Variants in PIKFYVE observed in about 807,000 individuals in gnomAD.
PIKFYVE encodes the protein phosphoinositide kinase, FYVE-type zinc finger containing.
A neutral mutation model predicts 257.9 loss-of-function variants in PIKFYVE; 122 were observed. The observed-to-expected ratio is 0.47, with a 90% confidence interval of 0.41 to 0.55. PIKFYVE has a LOEUF of 0.55. PIKFYVE is among the 20% of genes least tolerant of loss of function. The pLI is 0.00. For synonymous variants in PIKFYVE, 892 were observed against 868.9 expected (o/e 1.03, Z -0.47); for missense variants, 2,160 against 2,536.6 (o/e 0.85, Z 3.19).
intron 17 of PIKFYVE, among the ~76,000 whole-genome samples, chr2:208,322,216 C>CA (rs539299732): frequency 1.6e-3 from 241 of 151,154 alleles, no homozygotes; most frequent in African/African-American, 4.5e-3. Flanking sequence ...TCTGTTCCTA[C>CA]AAAAAATAGA....
intron 5 of PIKFYVE, among the ~76,000 whole-genome samples, chr2:208,280,437 A>T (rs750871500): frequency 1.3e-5 from 2 of 152,196 alleles, no homozygotes; most frequent in Non-Finnish European, 2.9e-5. Flanking sequence ...CCCTACTCTG[A>T]CAGGCAGACC....
intron 10 of PIKFYVE, among the ~76,000 whole-genome samples, chr2:208,302,932 A>T (rs767477630): frequency 1.3e-5 from 2 of 152,020 alleles, no homozygotes; most frequent in Non-Finnish European, 2.9e-5. Context: ...ATACAAAAAA[A>T]TTAGCCAGGC....
At chr2:208,316,234 C>T (rs1320429985) in intron 15 of PIKFYVE, among the ~76,000 whole-genome samples, 1 of 152,166 alleles carries the variant, frequency 6.6e-6, no homozygotes, top group Non-Finnish European at 1.5e-5. Context: ...CATAGCATTC[C>T]ATGGTGTGTA....
chr2:208,271,049 A>T (rs1245718551), intron 1 of PIKFYVE, among the ~76,000 whole-genome samples: 1 of 152,098 alleles, frequency 6.6e-6, no homozygotes, highest in Non-Finnish European at 1.5e-5. Flanking sequence ...AAAAAAAAAA[A>T]AAAAGTTGAA....
chr2:208,276,405 C>T (rs1381974073), intron 3 of PIKFYVE, among the ~76,000 whole-genome samples: 1 of 152,134 alleles, frequency 6.6e-6, no homozygotes, highest in East Asian at 1.9e-4. Context: ...CTTAAGGAGT[C>T]ATTAATGAAT....
chr2:208,297,468 T>A (rs1693124680), intron 7 of PIKFYVE, among the ~76,000 whole-genome samples: 2 of 152,210 alleles, frequency 1.3e-5, no homozygotes. Context: ...TCTTAAATTA[T>A]TTAAAAAATA....
Position 208,320,298 on chromosome 2 carries a change from C to A in PIKFYVE, c.2129C>A (p.Ser710Tyr), listed in dbSNP as rs1427341921. ...CCCAAAATTCTTCTGTTGAAGTGTT[C>A]CATTGAGTATCTCTACAGAGAAGAA... ...KNPKILLLKC[S>Y]IEYLYREETK... The change falls in exon 17 of 42, where the codon TCC becomes TAC. Residue 710 changes from serine (S) to tyrosine (Y), a missense_variant. Ser to Tyr is a moderately radical substitution (Grantham distance 144). Transcript: ENST00000264380. 6.2e-7 allele frequency: 1 copy of A among 1,612,002 alleles called. No individual in the cohort carries two copies. Among genetic ancestry groups the A allele is most frequent in the Non-Finnish European group, 8.5e-7 (1 of 1,178,710 alleles).
At position 208,341,607 on chromosome 2, in the gene PIKFYVE, G is replaced by T. The variant is rs550163097; in HGVS notation, c.4932-947G>T. On this transcript the variant is annotated intron_variant, in intron 31 of 41. Coordinates refer to ENST00000264380, the MANE Select transcript of PIKFYVE (RefSeq NM_015040.4). ...GAGATGAGGGTGCCAGCATGGTTGG[G>T]TTCTGGCAAGGGTCCTCTTTTGGGT... Among the ~76,000 whole-genome samples, 3 of 152,096 alleles carry T rather than the reference G, an allele frequency of 2.0e-5. No individual in the cohort carries two copies. The South Asian group carries it at 6.2e-4, about 32-fold the overall frequency.
intron 3 of PIKFYVE, among the ~76,000 whole-genome samples, chr2:208,276,031 A>T (rs1452154721): frequency 2.6e-5 from 4 of 152,158 alleles, no homozygotes; most frequent in Middle Eastern, 3.2e-3. Flanking sequence ...GGTATAAATG[A>T]TCCTTTCCTA....
chr2:208,285,752 A>G lies in PIKFYVE; in HGVS notation c.640A>G (p.Arg214Gly). The part of the protein sequence containing the change: ...TGDLRACTYC[R>G]KIALSYAHST... ...AGACCTCCGAGCTTGCACATATTGT[A>G]GAAAAATAGCCTTAAGTTATGCTCA... is the stretch of plus-strand genomic sequence containing the variant. The change falls in exon 6 of 42, where the codon AGA (arginine) becomes GGA (glycine). Residue 214 changes from arginine to glycine, a missense_variant. Transcript: ENST00000264380. 2 of 1,614,026 alleles carry G rather than the reference A, an allele frequency of 1.2e-6. No homozygotes were observed. The highest frequency in any genetic ancestry group is 8.5e-7 in the Non-Finnish European group (1 of 1,179,932).
At chr2:208,322,398 A>AAT (rs1553519144) in intron 17 of PIKFYVE, among the ~76,000 whole-genome samples, 2 of 148,958 alleles carry the variant, frequency 1.3e-5, no homozygotes, top group Non-Finnish European at 3.0e-5. Flanking sequence ...AAAAAAAAAA[A>AAT]CTTAGAAATT....
At chr2:208,329,954 T>C (rs1472382366) in intron 22 of PIKFYVE, 41 bp downstream of exon 22, 3 of 1,602,066 alleles carry the variant, frequency 1.9e-6, no homozygotes, top group Non-Finnish European at 2.6e-6. Flanking sequence ...TACACATTTT[T>C]GATGCTCAAA....
chr2:208,282,853 A>T (rs573417171), intron 5 of PIKFYVE, among the ~76,000 whole-genome samples: 2 of 152,266 alleles, frequency 1.3e-5, no homozygotes, highest in East Asian at 3.9e-4. Context: ...GGATGGTTTT[A>T]GGACGAAACT....
At chr2:208,347,455 T>C (rs1425692684) in intron 34 of PIKFYVE, among the ~76,000 whole-genome samples, 2 of 152,204 alleles carry the variant, frequency 1.3e-5, no homozygotes, top group African/African-American at 2.4e-5. Flanking sequence ...CTTGTGAAAT[T>C]GTTTTGTGTT....
At chr2:208,350,177 T>C (rs1381483174) in intron 36 of PIKFYVE, 94 bp downstream of exon 36, 2 of 1,535,898 alleles carry the variant, frequency 1.3e-6, no homozygotes, top group East Asian at 2.3e-5. Context: ...ACTAAATAAA[T>C]GTCCCAGTTC....
chr2:208,341,369 C>T (rs1453371334), intron 31 of PIKFYVE, among the ~76,000 whole-genome samples: 3 of 151,630 alleles, frequency 2.0e-5, no homozygotes, highest in African/African-American at 7.3e-5. Flanking sequence ...TTTTGTGAAA[C>T]ACAGTCTTTT....
Position 208,328,284 on chromosome 2 carries a change from G to T in PIKFYVE, c.3719+4G>T. 6.2e-7 allele frequency: 1 copy of T among 1,613,456 alleles called. No individual in the cohort carries two copies. Among genetic ancestry groups the T allele is most frequent in the Non-Finnish European group, 8.5e-7 (1 of 1,179,726 alleles). ...CTAGTGCCTGTGTCAGTCCTTGGTA[G>T]GATTCTTTTCCCCCTACACTATTCC... On this transcript the variant is annotated splice_donor_region_variant and intron_variant, in intron 21 of 41. Transcript: ENST00000264380.
At chr2:208,309,365 A>C (rs1694708688) in intron 12 of PIKFYVE, among the ~76,000 whole-genome samples, 1 of 152,204 alleles carries the variant, frequency 6.6e-6, no homozygotes, top group Non-Finnish European at 1.5e-5. Flanking sequence ...GTCACTCTTA[A>C]TAATTTGTGT....
intron 17 of PIKFYVE, 44 bp downstream of exon 17, chr2:208,320,403 T>C (rs768156000): frequency 6.9e-5 from 111 of 1,599,136 alleles, no homozygotes; most frequent in Non-Finnish European, 9.2e-5. Flanking sequence ...GGGATGTTTG[T>C]GTACCATGAT....
Sources: gnomAD v4.1 joint callset for allele counts (sites outside exome capture counted in the v4.1 genomes callset) on GRCh38, gnomAD v4.1.1 for gene constraint, MANE v1.5 for transcripts, NCBI Gene and HGNC (gene_info 2026-07-23, HGNC 2026-07-21) for gene names.